DBF4B: variants seen among roughly 807,000 people sequenced by gnomAD.
The protein encoded by DBF4B is protein DBF4 homolog B.
Under a neutral mutation model 53.4 loss-of-function variants are expected in DBF4B, and 49 were observed. The observed-to-expected ratio is 0.92, with a 90% CI of 0.73 to 1.16. The LOEUF (loss-of-function observed/expected upper bound fraction) is 1.16. Among genes scored for constraint, DBF4B ranks in the 50% most tolerant of loss-of-function variants. DBF4B has a pLI of 0.00. For missense variants in DBF4B, 692 were observed against 775.0 expected (o/e 0.89, Z 1.27); for synonymous variants, 257 against 288.7 (o/e 0.89, Z 1.11).
At chr17:44,721,229 C>G (rs1973817151) in intron 2 of DBF4B, among the ~76,000 whole-genome samples, 1 of 141,350 alleles carries the variant, frequency 7.1e-6, no homozygotes, top group Non-Finnish European at 1.5e-5. Context: ...CCCCCCCTCC[C>G]CTTTTTTGCG....
chr17:44,743,607 CTTT>C (rs71136042), intron 10 of DBF4B, among the ~76,000 whole-genome samples: 3 of 114,062 alleles, frequency 2.6e-5, no homozygotes, highest in African/African-American at 3.5e-5. Flanking sequence ...CTGTATGATT[CTTT>C]TTTTTTTTTT....
rs146392187 is a variant in DBF4B at position 44,736,861 on chromosome 17, G to A, written c.662G>A (p.Arg221Gln). 165 of 1,613,884 alleles carry A rather than the reference G, an allele frequency of 1.0e-4. No individual in the cohort carries two copies. The highest frequency in any genetic ancestry group is 1.3e-4 in the Non-Finnish European group (157 of 1,179,946). ...GTCPAAESRT[R>Q]KVARLKAPFL... ...TGTCCAGCAGCAGAGTCAAGAACACGGAAAGGTCAGTGTGGTAGCTTTTCC... is the reference window on the plus strand; with the variant it reads ...TGTCCAGCAGCAGAGTCAAGAACACAGAAAGGTCAGTGTGGTAGCTTTTCC... The change falls in exon 8 of 14, where the codon CGG (arginine) becomes CAG (glutamine). Residue 221 changes from arginine (R) to glutamine (Q), a missense_variant. Coordinates refer to ENST00000315005, the MANE Select transcript of DBF4B (RefSeq NM_145663.3).
At position 44,749,962 on chromosome 17, in the gene DBF4B, A is replaced by T. The variant is rs1002631999; in HGVS notation, c.1190-633A>T. 6 of 1,005,994 alleles carry T rather than the reference A, an allele frequency of 6.0e-6. No individual in the cohort carries two copies. Among genetic ancestry groups the T allele is most frequent in the Non-Finnish European group, 5.9e-6 (5 of 841,774 alleles). 62.3% of individuals were successfully genotyped at this position (1,005,994 alleles called of 1,614,324 possible). On this transcript the variant is annotated intron_variant, in intron 13 of 13. Coordinates refer to ENST00000315005, the MANE Select transcript of DBF4B (RefSeq NM_145663.3). This position sits in a 1 kb window ranked among gnomAD's most constrained non-coding sequence, Gnocchi z 4.4. The stretch of plus-strand genomic sequence containing the variant: ...GAGGGGCTTGGGCTGCACCACTCAC[A>T]GAGCTCCCTCCCCCAGGCACTTAGT...
At position 44,751,014 on chromosome 17, in the gene DBF4B, C is replaced by G; in HGVS notation, c.1609C>G (p.Pro537Ala). 6.2e-7 allele frequency: 1 copy of G among 1,614,148 alleles called. No individual in the cohort carries two copies. Among genetic ancestry groups the G allele is most frequent in the Non-Finnish European group, 8.5e-7 (1 of 1,180,032 alleles). The change falls in exon 14 of 14, where the codon CCC becomes GCC. Residue 537 changes from proline (P) to alanine (A), a missense_variant. Pro to Ala is a conservative substitution (Grantham distance 27, BLOSUM62 -1). Around this residue, in one of 3 missense-constraint regions of DBF4B, gnomAD observed 597 missense variants for 665.8 expected, o/e 0.90. Coordinates refer to ENST00000315005, the MANE Select transcript of DBF4B (RefSeq NM_145663.3). ...TPLHEEVSPC[P>A]CLRLGYLYLL... The stretch of plus-strand genomic sequence containing the variant: ...TCTGCATGAGGAAGTTTCCCCTTGC[C>G]CCTGTCTCAGACTTGGATACCTTTA...
In DBF4B at chr17:44,752,254, T is replaced by C; in HGVS notation, c.*1001T>C. On this transcript the variant is annotated 3_prime_UTR_variant, in exon 14 of 14. Coordinates refer to ENST00000315005, the MANE Select transcript of DBF4B (RefSeq NM_145663.3). ...AGGACCCTTTCCAATAATAAAATACTGTGACTGCCAGCAAATCTTTTATGT... is the reference window on the plus strand; with the variant it reads ...AGGACCCTTTCCAATAATAAAATACCGTGACTGCCAGCAAATCTTTTATGT... 2 of 440,124 alleles carry C rather than the reference T, an allele frequency of 4.5e-6. No individual in the cohort carries two copies. Among genetic ancestry groups the C allele is most frequent in the South Asian group, 5.1e-5 (2 of 39,186 alleles). 27.3% of individuals were successfully genotyped at this position (440,124 alleles called of 1,614,324 possible).
At chr17:44,723,583 C>A (rs1041774615) in intron 3 of DBF4B, among the ~76,000 whole-genome samples, 1 of 151,846 alleles carries the variant, frequency 6.6e-6, no homozygotes, top group African/African-American at 2.4e-5. Flanking sequence ...AATGACAAAA[C>A]CCTGTCTCTA....
intron 7 of DBF4B, among the ~76,000 whole-genome samples, chr17:44,735,256 C>T (rs1319105349): frequency 6.6e-6 from 1 of 152,218 alleles, no homozygotes; most frequent in Non-Finnish European, 1.5e-5. Flanking sequence ...TCCAGCTTCT[C>T]CTCAACCACT....
chr17:44,709,948 C>T (rs967419779), intron 2 of DBF4B, among the ~76,000 whole-genome samples: 1 of 151,526 alleles, frequency 6.6e-6, no homozygotes, highest in Non-Finnish European at 1.5e-5. Flanking sequence ...CCAAGGCGGG[C>T]GGATCACGAG....
intron 3 of DBF4B, among the ~76,000 whole-genome samples, chr17:44,723,614 C>T (rs547384104): frequency 6.6e-5 from 10 of 151,824 alleles, no homozygotes; most frequent in Admixed American, 1.3e-4. Context: ...TGAAAATTAG[C>T]CAGGCATCAT....
In DBF4B at chr17:44,749,429, G is replaced by T; in HGVS notation, c.1189+964G>T. 1 of 1,289,450 alleles carries T rather than the reference G, an allele frequency of 7.8e-7. No individual in the cohort carries two copies. Among genetic ancestry groups the T allele is most frequent in the South Asian group, 1.2e-5 (1 of 81,034 alleles). The allele number at this position is 1,289,450 out of a possible 1,614,324, so 79.9% of individuals were successfully genotyped here. On this transcript the variant is annotated intron_variant, in intron 13 of 13. Transcript: ENST00000315005. The surrounding 1 kb of genome is among the most constrained non-coding windows in gnomAD (Gnocchi z 4.4). ...CCCGGCCAGGGCTGACCAGGACGCA[G>T]GAGGGGCAGAACCCCAGGACTTCCC...
Position 44,749,986 on chromosome 17 carries a change from G to A in DBF4B, c.1190-609G>A. 9.9e-7 allele frequency: 1 copy of A among 1,006,180 alleles called. No homozygotes were observed. The highest frequency in any genetic ancestry group is 1.2e-6 in the Non-Finnish European group (1 of 841,956). The allele number at this position is 1,006,180 out of a possible 1,614,324, so 62.3% of individuals were successfully genotyped here. On this transcript the variant is annotated intron_variant, in intron 13 of 13. Coordinates refer to ENST00000315005, the MANE Select transcript of DBF4B (RefSeq NM_145663.3). The surrounding 1 kb of genome is among the most constrained non-coding windows in gnomAD (Gnocchi z 4.4). ...CAGAGCTCCCTCCCCCAGGCACTTAGTTGGGGCCCAGCACTGACCTTTCCC... is the reference window on the plus strand; with the variant it reads ...CAGAGCTCCCTCCCCCAGGCACTTAATTGGGGCCCAGCACTGACCTTTCCC...
Position 44,749,847 on chromosome 17 carries a change from C to G in DBF4B, c.1190-748C>G. 3.9e-6 allele frequency: 4 copies of G among 1,031,998 alleles called. No homozygotes were observed. The highest frequency in any genetic ancestry group is 4.7e-6 in the Non-Finnish European group (4 of 857,638). 63.9% of individuals were successfully genotyped at this position (1,031,998 alleles called of 1,614,324 possible). A position where few individuals can be genotyped will look rare whatever the true frequency, so the allele number is the denominator to read the frequency against. ...GCCTCCTTTCTCACGAGCATGTGGC[C>G]GCTCCTGCTTTCCAAAATGACTGTG... On this transcript the variant is annotated intron_variant, in intron 13 of 13. Coordinates refer to ENST00000315005, the MANE Select transcript of DBF4B (RefSeq NM_145663.3). The surrounding 1 kb of genome is among the most constrained non-coding windows in gnomAD (Gnocchi z 4.4).
At chr17:44,735,910 T>TA (rs1336256152) in intron 7 of DBF4B, among the ~76,000 whole-genome samples, 1 of 152,146 alleles carries the variant, frequency 6.6e-6, no homozygotes, top group Non-Finnish European at 1.5e-5. Flanking sequence ...ATCTTACATT[T>TA]ATTTACTTAT....
At chr17:44,737,253 C>T (rs1437776535) in intron 8 of DBF4B, among the ~76,000 whole-genome samples, 1 of 152,186 alleles carries the variant, frequency 6.6e-6, no homozygotes, top group Admixed American at 6.5e-5. Flanking sequence ...GTGAAACTGA[C>T]AAACTGGCAG....
chr17:44,750,028 G>C (rs1161666091), intron 13 of DBF4B: 13 of 1,000,454 alleles, frequency 1.3e-5, no homozygotes, highest in African/African-American at 1.7e-5. Flanking sequence ...CCAGGATGTG[G>C]CCAGAGCCCC....
At chr17:44,747,966 C>T (rs1484337950) in intron 12 of DBF4B, among the ~76,000 whole-genome samples, 1 of 152,208 alleles carries the variant, frequency 6.6e-6, no homozygotes, top group Non-Finnish European at 1.5e-5. Context: ...AGACCCTCTC[C>T]CACCTGGGGC....
chr17:44,711,637 C>T (rs1972875603), intron 2 of DBF4B, among the ~76,000 whole-genome samples: 1 of 151,634 alleles, frequency 6.6e-6, no homozygotes, highest in Non-Finnish European at 1.5e-5. Context: ...CGTGGTGAAA[C>T]CCTGTCTCTA....
rs748782149 is a variant in DBF4B at position 44,732,241 on chromosome 17, G to C, written c.532G>C (p.Gly178Arg). 1.9e-6 allele frequency: 3 copies of C among 1,614,142 alleles called. No homozygotes were observed. The Admixed American group carries it at 5.0e-5, about 27-fold the overall frequency. Reference protein sequence around the residue: ...SSLLTNARSWGVRILHVDEMM... With the variant: ...SSLLTNARSWRVRILHVDEMM... ...CCTCCTGACCAATGCCCGCTCTTGG[G>C]GAGTGAGGATTCTGCACGTGGATGG... Residue 178 changes from glycine to arginine, a missense_variant, in exon 6 of 14, where the codon GGA (glycine) becomes CGA (arginine). Around this residue, in one of 3 missense-constraint regions of DBF4B, gnomAD observed 597 missense variants for 665.8 expected, o/e 0.90. Transcript: ENST00000315005.
At chr17:44,728,697 G>GTC (rs1373447238) in intron 3 of DBF4B, among the ~76,000 whole-genome samples, 2 of 151,510 alleles carry the variant, frequency 1.3e-5, no homozygotes, top group Non-Finnish European at 2.9e-5. Flanking sequence ...TGCGCCTGTA[G>GTC]TCTCAGCTAT....
Sources: gnomAD v4.1 joint callset for allele counts (sites outside exome capture counted in the v4.1 genomes callset) on GRCh38, gnomAD v4.1.1 for gene constraint, gnomAD v4.1.1 regional missense constraint, Gnocchi (gnomAD v3.1) non-coding constraint, MANE v1.5 for transcripts, NCBI Gene and HGNC (gene_info 2026-07-23, HGNC 2026-07-21) for gene names.